TENM3: variants seen among roughly 807,000 people sequenced by gnomAD.
TENM3 encodes the protein teneurin-3.
Under a neutral mutation model 255.1 loss-of-function variants are expected in TENM3, and 63 were observed. That is an observed-to-expected ratio of 0.25 (90% CI 0.20 to 0.30). TENM3 has a LOEUF of 0.30. TENM3 is among the 10% of genes least tolerant of loss of function. TENM3 has a pLI of 1.00. For synonymous variants in TENM3, 1,306 were observed against 1,322.3 expected, an observed-to-expected ratio of 0.99 and a Z score of 0.27; for missense variants, 2,929 against 3,461.1, an observed-to-expected ratio of 0.85 and a Z score of 3.86.
chr4:181,551,996 G>T, the TENM3 span, among the ~76,000 whole-genome samples: 2 of 151,598 alleles, frequency 1.3e-5, no homozygotes, highest in African/African-American at 4.8e-5. Context: ...AGATTAGGCC[G>T]TAAGTTATTT....
intron 5 of TENM3, chr4:182,631,659 C>G (rs1030243130): frequency 1.4e-4 from 21 of 152,144 alleles, no homozygotes; most frequent in African/African-American, 4.8e-4. Context: ...TGAGGAAGAC[C>G]AATGTCATCA....
chr4:182,705,121 G>A (rs928608706), intron 12 of TENM3, among the ~76,000 whole-genome samples: 2 of 152,124 alleles, frequency 1.3e-5, no homozygotes, highest in African/African-American at 4.8e-5. Flanking sequence ...CACCTTGCAC[G>A]CTGATTTAAA....
intron 3 of TENM3, among the ~76,000 whole-genome samples, chr4:182,389,691 C>CTTTTTTTTTTTT (rs3072378): frequency 7.5e-6 from 1 of 133,204 alleles, no homozygotes; most frequent in Non-Finnish European, 1.6e-5. Context: ...GTAGATGACT[C>CTTTTTTTTTTTT]TTTTTTTTTT....
intron 3 of TENM3, among the ~76,000 whole-genome samples, chr4:182,385,999 C>T (rs1767890859): frequency 6.6e-6 from 1 of 151,968 alleles, no homozygotes; most frequent in Admixed American, 6.6e-5. Flanking sequence ...AAATGAAAAC[C>T]CTCCCAAGAA....
At chr4:182,155,604 A>G (rs529873219) in intron 1 of TENM3, among the ~76,000 whole-genome samples, 1 of 152,244 alleles carries the variant, frequency 6.6e-6, no homozygotes. Flanking sequence ...ATTGGTGTAA[A>G]TGTAATGTTA....
At chr4:182,494,876 A>G (rs62337191) in intron 3 of TENM3, among the ~76,000 whole-genome samples, 3,490 of 152,308 alleles carry the variant, frequency 0.023, 48 homozygotes, top group Middle Eastern at 0.044. Flanking sequence ...TTATTGGTCT[A>G]TGCAATAGTG....
intron 16 of TENM3, among the ~76,000 whole-genome samples, chr4:182,734,890 C>T (rs566855975): frequency 2.0e-5 from 3 of 152,124 alleles, no homozygotes; most frequent in Non-Finnish European, 4.4e-5. Context: ...ATATAATATT[C>T]GTAAGAGAGT....
At chr4:181,798,634 T>A in the TENM3 span, among the ~76,000 whole-genome samples, 2 of 152,214 alleles carry the variant, frequency 1.3e-5, no homozygotes, top group African/African-American at 2.4e-5. Flanking sequence ...GTGTAACTGT[T>A]GTTTCAGATT....
intron 1 of TENM3, among the ~76,000 whole-genome samples, chr4:182,310,911 T>C (rs770605553): frequency 2.6e-5 from 4 of 152,200 alleles, no homozygotes; most frequent in Non-Finnish European, 5.9e-5. Context: ...GGTTTCACCA[T>C]GTTGGCCAGG....
chr4:181,754,548 G>A, the TENM3 span, among the ~76,000 whole-genome samples: 3 of 152,210 alleles, frequency 2.0e-5, no homozygotes, highest in African/African-American at 4.8e-5. Flanking sequence ...TGGTAAAGAA[G>A]GGAAGAACAT....
the TENM3 span, among the ~76,000 whole-genome samples, chr4:181,551,345 G>A: frequency 1.1e-4 from 17 of 152,256 alleles, no homozygotes; most frequent in African/African-American, 3.6e-4. Context: ...TGAAATAAAT[G>A]CACAATTTGA....
chr4:182,262,872 C>T (rs1264497858), intron 1 of TENM3, among the ~76,000 whole-genome samples: 3 of 151,984 alleles, frequency 2.0e-5, no homozygotes, highest in South Asian at 2.1e-4. Flanking sequence ...CACCACCACG[C>T]CCGGCTAATT....
chr4:181,824,338 C>G, the TENM3 span, among the ~76,000 whole-genome samples: 1 of 151,672 alleles, frequency 6.6e-6, no homozygotes, highest in Non-Finnish European at 1.5e-5. Flanking sequence ...TGGCCTCAAG[C>G]AATCCACCTG....
the TENM3 span, among the ~76,000 whole-genome samples, chr4:181,785,333 C>G: frequency 6.6e-6 from 1 of 152,092 alleles, no homozygotes; most frequent in Admixed American, 6.6e-5. Flanking sequence ...GGCCTGTGGT[C>G]GGAGCGAAGC....
At chr4:181,693,312 G>A in the TENM3 span, among the ~76,000 whole-genome samples, 2 of 152,108 alleles carry the variant, frequency 1.3e-5, no homozygotes, top group South Asian at 4.1e-4. Flanking sequence ...GCTATGACTC[G>A]TCTTAGAGAC....
At chr4:182,549,463 A>G (rs1480151462) in intron 3 of TENM3, among the ~76,000 whole-genome samples, 2 of 151,828 alleles carry the variant, frequency 1.3e-5, no homozygotes, top group East Asian at 3.9e-4. Context: ...ATCGGATTTC[A>G]GAACTCTTTA....
chr4:182,385,268 T>TC, intron 3 of TENM3, among the ~76,000 whole-genome samples: 1 of 145,638 alleles, frequency 6.9e-6, no homozygotes, highest in East Asian at 2.0e-4. Context: ...GCGTCTTTTT[T>TC]TTTTTTTTTT....
At chr4:182,479,182 G>A (rs1430564806) in intron 3 of TENM3, among the ~76,000 whole-genome samples, 1 of 151,776 alleles carries the variant, frequency 6.6e-6, no homozygotes, top group Non-Finnish European at 1.5e-5. Context: ...CTTTTAGCTT[G>A]GCAAGTTAAA....
At chr4:182,446,056 T>C (rs1045374464) in intron 3 of TENM3, among the ~76,000 whole-genome samples, 1 of 152,198 alleles carries the variant, frequency 6.6e-6, no homozygotes, top group Non-Finnish European at 1.5e-5. Context: ...CACAAAACTG[T>C]GTATCTTTTC....
Sources: allele counts gnomAD v4.1 joint callset (sites outside exome capture counted in the v4.1 genomes callset), GRCh38; gene constraint gnomAD v4.1.1; transcripts MANE v1.5; gene names NCBI Gene and HGNC (gene_info 2026-07-23, HGNC 2026-07-21).